The following WASF2 variants were observed in gnomAD, a reference collection of about 807,000 sequenced individuals.
WASF2 encodes the protein WASP family member 2, also known as actin-binding protein WASF2.
A neutral mutation model predicts 45.0 loss-of-function variants in WASF2; 14 were observed. That is an observed-to-expected ratio of 0.31 (90% CI 0.21 to 0.49). WASF2 has a LOEUF of 0.49. Ranked by LOEUF, WASF2 falls within the 20% of genes least tolerant of loss-of-function variation. WASF2 has a pLI of 0.99. For missense variants in WASF2, 439 were observed against 636.1 expected, an observed-to-expected ratio of 0.69 and a Z score of 3.33; for synonymous variants, 200 against 236.3, an observed-to-expected ratio of 0.85 and a Z score of 1.41.
intron 6 of WASF2, among the ~76,000 whole-genome samples, chr1:27,413,658 C>A (rs568780186): frequency 6.6e-6 from 1 of 152,338 alleles, no homozygotes; most frequent in South Asian, 2.1e-4. Context: ...TCCAAACCGC[C>A]TGGACAACAG....
Position 27,406,614 on chromosome 1 carries a change from T to C in WASF2, c.*1575A>G, listed in dbSNP as rs1339673250. The C allele has an allele frequency of 2.6e-5, 4 of 152,568 alleles. No homozygotes were observed. Among genetic ancestry groups the C allele is most frequent in the African/African-American group, 9.7e-5 (4 of 41,438 alleles). 9.5% of individuals were successfully genotyped at this position (152,568 alleles called of 1,614,324 possible). A position where few individuals can be genotyped will look rare whatever the true frequency, so the allele number is the denominator to read the frequency against. The stretch of plus-strand genomic sequence containing the variant: ...TTCAGCATAAGAGGCTACACAATAG[T>C]TAGGGCAGAAGAAAAGAAACCTCAC... On this transcript the variant is annotated 3_prime_UTR_variant, in exon 9 of 9. Coordinates refer to ENST00000618852, the MANE Select transcript of WASF2 (RefSeq NM_006990.5).
At chr1:27,483,523 C>T (rs1474131799) in intron 1 of WASF2, among the ~76,000 whole-genome samples, 1 of 152,036 alleles carries the variant, frequency 6.6e-6, no homozygotes, top group Non-Finnish European at 1.5e-5. Flanking sequence ...GTAATCCCAG[C>T]TGCTACTAGG....
At chr1:27,467,368 T>G (rs1453278598) in intron 1 of WASF2, among the ~76,000 whole-genome samples, 1 of 149,288 alleles carries the variant, frequency 6.7e-6, no homozygotes, top group Non-Finnish European at 1.5e-5. Context: ...TGGTGCAATC[T>G]CAGCTCACTG....
intron 1 of WASF2, among the ~76,000 whole-genome samples, chr1:27,438,306 T>C (rs561602370): frequency 2.4e-4 from 36 of 152,298 alleles, no homozygotes; most frequent in Non-Finnish European, 4.0e-4. Flanking sequence ...AGGTTAAACT[T>C]CCTTTGGTCA....
intron 1 of WASF2, among the ~76,000 whole-genome samples, chr1:27,429,933 T>C (rs181003642): frequency 2.0e-5 from 3 of 152,196 alleles, no homozygotes. Flanking sequence ...TCCCTGGTGC[T>C]TTCTCTTCTA....
rs548292690 is a variant in WASF2 at position 27,450,492 on chromosome 1, C to T, written c.-43-21559G>A. 7.2e-5 allele frequency among the ~76,000 whole-genome samples: 11 copies of T among 152,030 alleles called. No homozygotes were observed. In the East Asian group the frequency reaches 1.9e-3, roughly 27 times the overall value. On this transcript the variant is annotated intron_variant, in intron 1 of 8. Coordinates refer to ENST00000618852, the MANE Select transcript of WASF2 (RefSeq NM_006990.5). ...AGCTGTCTGCCTTTCTTTTTTCCCT[C>T]TCCCAGACTCTTTTTTGTTTTTTTT...
At chr1:27,473,227 T>A (rs1029083922) in intron 1 of WASF2, among the ~76,000 whole-genome samples, 1 of 151,854 alleles carries the variant, frequency 6.6e-6, no homozygotes, top group Non-Finnish European at 1.5e-5. Context: ...ATGCCTCTAA[T>A]TCCAGCACTT....
At chr1:27,481,943 A>C (rs1457847948) in intron 1 of WASF2, among the ~76,000 whole-genome samples, 3 of 152,158 alleles carry the variant, frequency 2.0e-5, no homozygotes, top group Admixed American at 2.0e-4. Context: ...AGATACTTCT[A>C]TATCTGAACA....
At chr1:27,443,163 C>CTAAA (rs1198483616) in intron 1 of WASF2, among the ~76,000 whole-genome samples, 10 of 149,680 alleles carry the variant, frequency 6.7e-5, no homozygotes, top group Non-Finnish European at 1.0e-4. Flanking sequence ...GACCCTGTTT[C>CTAAA]TAAATAAATA....
chr1:27,443,371 C>G (rs2480223), intron 1 of WASF2, among the ~76,000 whole-genome samples: 1 of 147,624 alleles, frequency 6.8e-6, no homozygotes, highest in Admixed American at 6.8e-5. Flanking sequence ...CCCAGCACTT[C>G]GGGAGGCTGA....
At chr1:27,467,609 G>C (rs1361796790) in intron 1 of WASF2, among the ~76,000 whole-genome samples, 2 of 150,564 alleles carry the variant, frequency 1.3e-5, no homozygotes, top group African/African-American at 4.9e-5. Flanking sequence ...CCAAAATAAA[G>C]TATATTATTA....
chr1:27,482,026 C>A (rs1167874057), intron 1 of WASF2, among the ~76,000 whole-genome samples: 2 of 152,182 alleles, frequency 1.3e-5, no homozygotes, highest in African/African-American at 4.8e-5. Context: ...TGTTTGGTTT[C>A]TAAGTTAAGA....
At chr1:27,454,895 G>C (rs1160549002) in intron 1 of WASF2, among the ~76,000 whole-genome samples, 1 of 152,080 alleles carries the variant, frequency 6.6e-6, no homozygotes, top group African/African-American at 2.4e-5. Flanking sequence ...TTTTCTGTTA[G>C]TTTGTTTTGC....
In WASF2 at chr1:27,462,294, C is replaced by A. The variant is rs190176592; in HGVS notation, c.-44+27692G>T. On this transcript the variant is annotated intron_variant, in intron 1 of 8. Transcript: ENST00000618852. ...CCTGGCCCTATTATTAATTTTTTAA[C>A]CATTTGATAATAGGTTGTAGACATC... 9.1e-4 allele frequency among the ~76,000 whole-genome samples: 139 copies of A among 151,996 alleles called. 1 individual carries two copies. The highest frequency in any genetic ancestry group is 1.7e-3 in the Non-Finnish European group (117 of 67,966).
intron 1 of WASF2, among the ~76,000 whole-genome samples, chr1:27,430,163 T>A (rs561648905): frequency 6.6e-6 from 1 of 152,176 alleles, no homozygotes; most frequent in Non-Finnish European, 1.5e-5. Context: ...TTTACAAGGA[T>A]AGGAGAGGGT....
intron 1 of WASF2, among the ~76,000 whole-genome samples, chr1:27,460,013 T>C (rs1391177348): frequency 6.6e-6 from 1 of 152,228 alleles, no homozygotes; most frequent in Non-Finnish European, 1.5e-5. Flanking sequence ...ATAACACATA[T>C]GCTTTGATTC....
At position 27,436,563 on chromosome 1, in the gene WASF2, G is replaced by C. The variant is rs2017141387; in HGVS notation, c.-43-7630C>G. On this transcript the variant is annotated intron_variant, in intron 1 of 8. Coordinates refer to ENST00000618852, the MANE Select transcript of WASF2 (RefSeq NM_006990.5). ...GACTTCAAAATGACAGACAATACAT[G>C]GTCTTACTGAAATTTAAGTCTGTAT... Among the ~76,000 whole-genome samples the C allele has an allele frequency of 2.0e-5, 3 of 152,144 alleles. No homozygotes were observed. The South Asian group carries it at 6.2e-4, about 32-fold the overall frequency.
chr1:27,426,332 A>G (rs1238952192), intron 2 of WASF2, among the ~76,000 whole-genome samples: 1 of 152,208 alleles, frequency 6.6e-6, no homozygotes, highest in African/African-American at 2.4e-5. Context: ...GGGTTGGATC[A>G]GAGAAAGAAG....
At chr1:27,480,431 C>A (rs1004933980) in intron 1 of WASF2, among the ~76,000 whole-genome samples, 4 of 151,658 alleles carry the variant, frequency 2.6e-5, no homozygotes, top group African/African-American at 4.8e-5. Context: ...GCACAAGAAT[C>A]GCTTGGACCC....
Sources: gnomAD v4.1 joint callset for allele counts (sites outside exome capture counted in the v4.1 genomes callset) on GRCh38, gnomAD v4.1.1 for gene constraint, MANE v1.5 for transcripts, NCBI Gene and HGNC (gene_info 2026-07-23, HGNC 2026-07-21) for gene names.